The following SLCO1A2 variants were observed in gnomAD, a reference collection of about 807,000 sequenced individuals.
The protein encoded by SLCO1A2 is solute carrier organic anion transporter family member 1A2.
Under a neutral mutation model 69.0 loss-of-function variants are expected in SLCO1A2, and 67 were observed. The ratio of observed to expected loss-of-function variants is 0.97; its 90% CI spans 0.80 to 1.19. The LOEUF is 1.19. Among genes scored for constraint, SLCO1A2 ranks in the 50% most tolerant of loss-of-function variants. The pLI is 0.00. For missense variants in SLCO1A2, 787 were observed against 793.7 expected (o/e 0.99, Z 0.10); for synonymous variants, 260 against 265.9 (o/e 0.98, Z 0.22).
At chr12:21,327,445 C>A (rs1042864072) in intron 2 of SLCO1A2, among the ~76,000 whole-genome samples, 2 of 152,126 alleles carry the variant, frequency 1.3e-5, no homozygotes, top group African/African-American at 2.4e-5. Context: ...ACAACTTGAA[C>A]CATGCACTTG....
intron 2 of SLCO1A2, among the ~76,000 whole-genome samples, chr12:21,360,031 G>T (rs1938702988): frequency 6.6e-6 from 1 of 151,760 alleles, no homozygotes; most frequent in African/African-American, 2.4e-5. Context: ...AAAAAAGTCA[G>T]GCAAAAAGGA....
chr12:21,380,541 CTTAG>C (rs1052914070), intron 1 of SLCO1A2, among the ~76,000 whole-genome samples: 6 of 152,016 alleles, frequency 3.9e-5, no homozygotes, highest in African/African-American at 1.2e-4. Context: ...GCATTATTTC[CTTAG>C]TTAGGTTGGT....
intron 12 of SLCO1A2, among the ~76,000 whole-genome samples, 153 bp downstream of exon 12, chr12:21,292,011 T>C (rs1565475642): frequency 6.6e-6 from 1 of 152,180 alleles, no homozygotes; most frequent in African/African-American, 2.4e-5. Context: ...TTTAAAATTT[T>C]GTGAAATCCA....
chr12:21,297,658 T>G (rs1947937427), intron 8 of SLCO1A2, 90 bp from the exon 9 acceptor site: 1 of 810,846 alleles, frequency 1.2e-6, no homozygotes, highest in Non-Finnish European at 1.9e-6. Context: ...CCTCAACAAA[T>G]TATGTTTTTT....
In SLCO1A2 at chr12:21,356,333, A is replaced by G. The variant is rs141604639; in HGVS notation, c.-63+18066T>C. 1.8e-4 allele frequency among the ~76,000 whole-genome samples: 27 copies of G among 152,208 alleles called. 2 individuals carry two copies. The East Asian group carries it at 5.2e-3, about 29-fold the overall frequency. The stretch of plus-strand genomic sequence containing the variant: ...AAACATACCTATGATATTAAGAAAT[A>G]TGCAGGCTTAATTTACCTCCTAAAA... On this transcript the variant is annotated intron_variant, in intron 2 of 15. Coordinates refer to the SLCO1A2 transcript ENST00000307378.
chr12:21,317,407 T>A (rs1037330397), intron 3 of SLCO1A2, among the ~76,000 whole-genome samples: 1 of 152,222 alleles, frequency 6.6e-6, no homozygotes, highest in Non-Finnish European at 1.5e-5. Flanking sequence ...TTCTTCACAC[T>A]TGCTTAACCT....
At chr12:21,285,906 T>C (rs1945691961) in intron 12 of SLCO1A2, among the ~76,000 whole-genome samples, 1 of 151,314 alleles carries the variant, frequency 6.6e-6, no homozygotes, top group East Asian at 1.9e-4. Context: ...AATATCATAC[T>C]GAATGGGCAA....
chr12:21,272,241 AGATTC>A (rs1358999618), intron 14 of SLCO1A2, among the ~76,000 whole-genome samples: 4 of 151,852 alleles, frequency 2.6e-5, no homozygotes, highest in African/African-American at 9.7e-5. Flanking sequence ...GATGTATTAT[AGATTC>A]ATACAGATTA....
intron 1 of SLCO1A2, among the ~76,000 whole-genome samples, chr12:21,375,174 G>A (rs180856344): frequency 6.6e-6 from 1 of 152,180 alleles, no homozygotes. Context: ...TAGAAATAGA[G>A]CAATATGTAA....
At chr12:21,340,665 A>T (rs1176956233) in intron 2 of SLCO1A2, among the ~76,000 whole-genome samples, 1 of 151,848 alleles carries the variant, frequency 6.6e-6, no homozygotes, top group Non-Finnish European at 1.5e-5. Flanking sequence ...TTGCCATTGG[A>T]TCCTCTAATT....
At chr12:21,295,318 A>G (rs1947538373) in intron 10 of SLCO1A2, 2 of 281,068 alleles carry the variant, frequency 7.1e-6, no homozygotes, top group Non-Finnish European at 1.3e-5. Context: ...TTCATAGGAT[A>G]ATGTCTACTC....
Position 21,275,409 on chromosome 12 carries a change from T to C in SLCO1A2, c.1626A>G (p.Glu542=), listed in dbSNP as rs760929017. The part of the protein sequence containing the change: ...YMVLLRCMKS[E]EKSLGVGLHT... ...GTAATCCCACACCAAGGGACTTCTC[T>C]TCAGATTTCATACACCTGAAAAGTA... is the stretch of plus-strand genomic sequence containing the variant. The change falls in exon 13 of 15, where the codon GAA becomes GAG. Residue 542 remains glutamate, a synonymous_variant. Coordinates refer to ENST00000683939, the MANE Select transcript of SLCO1A2 (RefSeq NM_001386879.1). 1 of 1,509,746 alleles carries C rather than the reference T, an allele frequency of 6.6e-7. No individual in the cohort carries two copies. The highest frequency in any genetic ancestry group is 1.3e-5 in the South Asian group (1 of 75,520). 93.5% of individuals were successfully genotyped at this position (1,509,746 alleles called of 1,614,324 possible). A position where few individuals can be genotyped will look rare whatever the true frequency, so the allele number is the denominator to read the frequency against.
At chr12:21,387,362 C>G (rs1333008496) in intron 1 of SLCO1A2, among the ~76,000 whole-genome samples, 1 of 152,140 alleles carries the variant, frequency 6.6e-6, no homozygotes, top group Admixed American at 6.5e-5. Context: ...CATCCCAGGC[C>G]CTGAGGCCTA....
At chr12:21,403,767 G>C (rs868274084) in intron 1 of SLCO1A2, 1 of 127,614 alleles carries the variant, frequency 7.8e-6, no homozygotes, top group Non-Finnish European at 1.6e-5. Context: ...TAACTCTTAC[G>C]TGGCTTTGGC....
At position 21,372,697 on chromosome 12, in the gene SLCO1A2, T is replaced by TTAAC. The variant is rs544736143; in HGVS notation, c.-63+1698_-63+1701dup. 2.5e-3 allele frequency among the ~76,000 whole-genome samples: 375 copies of TTAAC among 152,352 alleles called. 2 individuals are homozygous for TTAAC. The highest frequency in any genetic ancestry group is 4.6e-3 in the Admixed American group (71 of 15,306). ...AACTTCTGCTGTGTATGACACACCA[T>TTAAC]TAACTGCACAAGGACACTGTGTATT... On this transcript the variant is annotated intron_variant, in intron 2 of 15. Coordinates refer to the SLCO1A2 transcript ENST00000307378.
chr12:21,413,540 A>G (rs938813870), intron 1 of SLCO1A2, among the ~76,000 whole-genome samples: 1 of 152,058 alleles, frequency 6.6e-6, no homozygotes, highest in African/African-American at 2.4e-5. Context: ...AATCCCACAG[A>G]CAGGTCTGCA....
At chr12:21,371,777 C>A (rs1456544425) in intron 2 of SLCO1A2, among the ~76,000 whole-genome samples, 1 of 151,932 alleles carries the variant, frequency 6.6e-6, no homozygotes, top group Non-Finnish European at 1.5e-5. Context: ...CAGAAGTGGG[C>A]GGATCACCTG....
intron 1 of SLCO1A2, among the ~76,000 whole-genome samples, chr12:21,400,827 T>G (rs1941669771): frequency 1.5e-5 from 2 of 134,778 alleles, no homozygotes; most frequent in Non-Finnish European, 3.1e-5. Flanking sequence ...AATTGAACAA[T>G]GAGATCACAT....
At chr12:21,319,513 A>G in intron 2 of SLCO1A2, 2 of 1,323,676 alleles carry the variant, frequency 1.5e-6, no homozygotes, top group East Asian at 4.6e-5. Context: ...GCAACCCTTG[A>G]GCTCAGCAAT....
Sources: allele counts gnomAD v4.1 joint callset (sites outside exome capture counted in the v4.1 genomes callset), GRCh38; gene constraint gnomAD v4.1.1; transcripts MANE v1.5; gene names NCBI Gene and HGNC (gene_info 2026-07-23, HGNC 2026-07-21).